GALNT13: variants seen among roughly 807,000 people sequenced by gnomAD.
GALNT13 encodes polypeptide N-acetylgalactosaminyltransferase 13.
Under a neutral mutation model 64.2 loss-of-function variants are expected in GALNT13, and 28 were observed. The observed-to-expected ratio is 0.44, with a 90% CI of 0.32 to 0.60. GALNT13 has a LOEUF of 0.60. Among genes scored for constraint, GALNT13 ranks in the 20% least tolerant of loss-of-function variants. The pLI, the probability that GALNT13 is intolerant of heterozygous loss-of-function variation, is 0.05. For synonymous variants in GALNT13, 214 were observed against 224.6 expected (o/e 0.95, Z 0.42); for missense variants, 577 against 669.8 (o/e 0.86, Z 1.53).
the GALNT13 span, among the ~76,000 whole-genome samples, chr2:153,486,116 T>A: frequency 3.9e-5 from 6 of 152,054 alleles, no homozygotes; most frequent in South Asian, 1.2e-3. Flanking sequence ...TTTTGTATTT[T>A]TGGTAAAGAC....
At chr2:153,388,022 G>T in the GALNT13 span, among the ~76,000 whole-genome samples, 230 of 151,334 alleles carry the variant, frequency 1.5e-3, 1 homozygote, top group Non-Finnish European at 1.4e-3. Context: ...GTGGAAGGAA[G>T]GAGGGGGAGA....
the GALNT13 span, among the ~76,000 whole-genome samples, chr2:153,526,253 C>T: frequency 3.3e-5 from 5 of 152,240 alleles, no homozygotes; most frequent in African/African-American, 7.2e-5. Context: ...GGGCAAGACC[C>T]GGTGCTGTGC....
At chr2:153,577,145 A>G in the GALNT13 span, among the ~76,000 whole-genome samples, 1 of 151,146 alleles carries the variant, frequency 6.6e-6, no homozygotes, top group Non-Finnish European at 1.5e-5. Context: ...TTTCCCCTGT[A>G]CATTGTAGTC....
At chr2:153,504,827 A>G in the GALNT13 span, among the ~76,000 whole-genome samples, 1 of 152,118 alleles carries the variant, frequency 6.6e-6, no homozygotes, top group African/African-American at 2.4e-5. Flanking sequence ...CATTAGGGAT[A>G]TTGGTCTGTA....
chr2:153,210,051 T>C, the GALNT13 span, among the ~76,000 whole-genome samples: 1 of 152,192 alleles, frequency 6.6e-6, no homozygotes, highest in East Asian at 1.9e-4. Context: ...TCCTTTGACT[T>C]TACTAAACTC....
the GALNT13 span, among the ~76,000 whole-genome samples, chr2:153,345,922 A>G: frequency 6.6e-6 from 1 of 150,736 alleles, no homozygotes; most frequent in African/African-American, 2.4e-5. Flanking sequence ...CAGCCTCCTG[A>G]GTAGCTGGGA....
intron 3 of GALNT13, among the ~76,000 whole-genome samples, chr2:154,011,713 G>T (rs1470259132): frequency 6.6e-6 from 1 of 152,002 alleles, no homozygotes; most frequent in African/African-American, 2.4e-5. Flanking sequence ...GTCTTTTGTA[G>T]GTCTCTAAAA....
chr2:154,184,010 C>A (rs1686112359), intron 4 of GALNT13, among the ~76,000 whole-genome samples: 2 of 151,692 alleles, frequency 1.3e-5, no homozygotes, highest in Non-Finnish European at 2.9e-5. Flanking sequence ...CCTCAAAGTC[C>A]CAGGCTCAAG....
At chr2:153,933,410 G>C (rs1690670032) in intron 2 of GALNT13, among the ~76,000 whole-genome samples, 1 of 152,064 alleles carries the variant, frequency 6.6e-6, no homozygotes, top group Non-Finnish European at 1.5e-5. Flanking sequence ...CTTTCTATTT[G>C]CTTGGTAGAT....
intron 9 of GALNT13, among the ~76,000 whole-genome samples, chr2:154,381,514 G>A (rs562179957): frequency 2.6e-5 from 4 of 152,104 alleles, no homozygotes; most frequent in African/African-American, 7.2e-5. Flanking sequence ...AAGCTGATGA[G>A]GAAAGAAACT....
the GALNT13 span, among the ~76,000 whole-genome samples, chr2:153,649,638 G>A: frequency 2.6e-5 from 4 of 152,290 alleles, no homozygotes; most frequent in Admixed American, 6.5e-5. Context: ...TGCTTTAAAT[G>A]TGTCTGATAG....
chr2:153,391,328 G>A, the GALNT13 span, among the ~76,000 whole-genome samples: 2 of 152,174 alleles, frequency 1.3e-5, no homozygotes, highest in South Asian at 4.1e-4. Flanking sequence ...CTAGGAGCAA[G>A]AGGATGGTGG....
At chr2:154,209,546 C>T (rs190974173) in intron 4 of GALNT13, among the ~76,000 whole-genome samples, 6 of 152,236 alleles carry the variant, frequency 3.9e-5, no homozygotes, top group Non-Finnish European at 1.5e-5. Flanking sequence ...TACTGCTTTA[C>T]CACTTGATGT....
the GALNT13 span, among the ~76,000 whole-genome samples, chr2:153,239,500 G>A: frequency 1.3e-5 from 2 of 152,066 alleles, no homozygotes; most frequent in African/African-American, 4.8e-5. Flanking sequence ...TGGAGGTATG[G>A]TCTTTCTATT....
intron 9 of GALNT13, among the ~76,000 whole-genome samples, chr2:154,332,238 C>CAGAG (rs1337628240): frequency 6.6e-6 from 1 of 151,986 alleles, no homozygotes; most frequent in Non-Finnish European, 1.5e-5. Context: ...TTATAAGAGA[C>CAGAG]AGAGAGATTG....
rs796306981 is a variant in GALNT13 at position 154,367,907 on chromosome 2, A to G, written c.1157-28084A>G. Among the ~76,000 whole-genome samples the G allele has an allele frequency of 3.3e-5, 5 of 152,200 alleles. No homozygotes were observed. The South Asian group carries it at 1.0e-3, about 32-fold the overall frequency. On this transcript the variant is annotated intron_variant, in intron 9 of 12. Coordinates refer to ENST00000392825, the MANE Select transcript of GALNT13 (RefSeq NM_052917.4). ...CATGGGAAATGGGAATACTGTGAGTAAAAAGTTCAAGAATAAAGTATGATT... is the reference window on the plus strand; with the variant it reads ...CATGGGAAATGGGAATACTGTGAGTGAAAAGTTCAAGAATAAAGTATGATT...
the GALNT13 span, among the ~76,000 whole-genome samples, chr2:153,546,932 G>A: frequency 6.6e-6 from 1 of 152,088 alleles, no homozygotes; most frequent in African/African-American, 2.4e-5. Context: ...TTATATAAAT[G>A]AATTTATTCT....
chr2:153,441,335 G>A, the GALNT13 span, among the ~76,000 whole-genome samples: 1 of 152,214 alleles, frequency 6.6e-6, no homozygotes, highest in African/African-American at 2.4e-5. Context: ...GTACCATGCT[G>A]TGTTGGTTAC....
At chr2:153,463,189 G>A in the GALNT13 span, among the ~76,000 whole-genome samples, 7 of 152,004 alleles carry the variant, frequency 4.6e-5, no homozygotes, top group African/African-American at 1.4e-4. Context: ...CTTGCCCTGC[G>A]GTGTTGTGGG....
Sources: allele counts gnomAD v4.1 joint callset (sites outside exome capture counted in the v4.1 genomes callset), GRCh38; gene constraint gnomAD v4.1.1; transcripts MANE v1.5; gene names NCBI Gene and HGNC (gene_info 2026-07-23, HGNC 2026-07-21).